Variants in PCDHA10 observed in about 807,000 individuals in gnomAD.
PCDHA10 encodes protocadherin alpha-10.
Under a neutral mutation model 61.2 loss-of-function variants are expected in PCDHA10, and 45 were observed. The ratio of observed to expected loss-of-function variants is 0.74; its 90% CI spans 0.58 to 0.94. PCDHA10 has a LOEUF of 0.94. Among genes scored for constraint, PCDHA10 ranks in the 40% least tolerant of loss-of-function variants. PCDHA10 has a pLI of 0.00. For missense variants in PCDHA10, 1,278 were observed against 1,236.2 expected (o/e 1.03, Z -0.51); for synonymous variants, 602 against 548.8 (o/e 1.10, Z -1.35).
chr5:140,950,711 T>C (rs1173209854), intron 1 of PCDHA10, among the ~76,000 whole-genome samples: 2 of 152,094 alleles, frequency 1.3e-5, no homozygotes, highest in African/African-American at 4.8e-5. Flanking sequence ...TTTTTGTTCC[T>C]TATATCCTTA....
intron 1 of PCDHA10, among the ~76,000 whole-genome samples, chr5:140,886,029 T>C (rs1464446627): frequency 1.3e-5 from 2 of 152,180 alleles, no homozygotes; most frequent in Non-Finnish European, 2.9e-5. Context: ...TATTCTTCAC[T>C]AAGTTTTCCC....
rs781852534 is a variant in PCDHA10, at chr5:140,982,552, G to T, written c.2525G>T (p.Ser842Ile). 1 of 1,614,168 alleles carries T rather than the reference G, an allele frequency of 6.2e-7. No individual in the cohort carries two copies. The highest frequency in any genetic ancestry group is 2.2e-5 in the East Asian group (1 of 44,892). ...GATCAGCAGTGGCCAACAGTATCCAGTGCAACACCAGGTAAAGAGCTGGGG... is the reference window on the plus strand; with the variant it reads ...GATCAGCAGTGGCCAACAGTATCCATTGCAACACCAGGTAAAGAGCTGGGG... The part of the protein sequence containing the change: ...GPDQQWPTVS[S>I]ATPEPEAGEV... Residue 842 changes from serine (S) to isoleucine (I), a missense_variant, in exon 3 of 4, where the codon AGT (serine) becomes ATT (isoleucine). Physicochemically the swap from Ser to Ile is moderately radical, Grantham distance 142. Coordinates refer to ENST00000307360, the MANE Select transcript of PCDHA10 (RefSeq NM_018901.4).
At chr5:140,967,956 A>G in intron 1 of PCDHA10, 2 of 1,614,172 alleles carry the variant, frequency 1.2e-6, no homozygotes, top group Middle Eastern at 3.3e-4. Context: ...TCAGGCCCCA[A>G]CCGGAAAGTG....
chr5:140,962,944 G>T (rs572517623), intron 1 of PCDHA10, among the ~76,000 whole-genome samples: 1 of 152,158 alleles, frequency 6.6e-6, no homozygotes, highest in East Asian at 1.9e-4. Flanking sequence ...CTCTCCATAA[G>T]ATATGCTCTA....
intron 1 of PCDHA10, among the ~76,000 whole-genome samples, chr5:140,910,845 G>C (rs1448971238): frequency 6.6e-6 from 1 of 152,090 alleles, no homozygotes; most frequent in Non-Finnish European, 1.5e-5. Context: ...CAATGCCTTG[G>C]ATCTATGTTC....
chr5:140,953,641 G>A (rs246029), intron 1 of PCDHA10, among the ~76,000 whole-genome samples: 85,647 of 151,972 alleles, frequency 0.56, 24,761 homozygotes, highest in African/African-American at 0.69. Context: ...TTTTGGCCAG[G>A]AGCTATAGTT....
intron 1 of PCDHA10, among the ~76,000 whole-genome samples, chr5:140,922,508 C>A (rs2080871857): frequency 6.6e-6 from 1 of 152,090 alleles, no homozygotes; most frequent in African/African-American, 2.4e-5. Flanking sequence ...GCAGATGCAC[C>A]ATTATTTCAA....
intron 1 of PCDHA10, chr5:140,877,600 C>G (rs1554169914): frequency 6.2e-7 from 1 of 1,613,878 alleles, no homozygotes; most frequent in Admixed American, 1.7e-5. Context: ...GGTGTCCAGC[C>G]TGCTGGTGCT....
At chr5:140,956,057 T>C (rs2095252530) in intron 1 of PCDHA10, among the ~76,000 whole-genome samples, 1 of 152,308 alleles carries the variant, frequency 6.6e-6, no homozygotes, top group South Asian at 2.1e-4. Flanking sequence ...GCTGAGACAA[T>C]GGGGTTTTCC....
At chr5:140,995,082 C>G (rs145784301) in intron 3 of PCDHA10, among the ~76,000 whole-genome samples, 5 of 152,334 alleles carry the variant, frequency 3.3e-5, no homozygotes, top group Admixed American at 3.3e-4. Context: ...GCAATCCAAA[C>G]TTATCTGTGG....
chr5:140,875,553 G>A (rs1447542979), intron 1 of PCDHA10: 4 of 1,614,000 alleles, frequency 2.5e-6, no homozygotes, highest in African/African-American at 2.7e-5. Flanking sequence ...GGGAGGTGGG[G>A]AGCGGCCAGC....
intron 1 of PCDHA10, among the ~76,000 whole-genome samples, chr5:140,894,384 T>A (rs1554186071): frequency 6.6e-6 from 1 of 152,046 alleles, no homozygotes; most frequent in Admixed American, 6.5e-5. Flanking sequence ...ATTATATTTG[T>A]ATTAGATATT....
rs1202247543 is a variant in PCDHA10, at chr5:140,858,682, T to A, written c.2388+246T>A. On this transcript the variant is annotated intron_variant, in intron 1 of 3. Coordinates refer to ENST00000307360, the MANE Select transcript of PCDHA10 (RefSeq NM_018901.4). Reference sequence around the variant, plus strand: ...AAATAACAATTTATTCTGAATACACTAATATTTTCCAATACAAATATGTGA... The same window carrying A: ...AAATAACAATTTATTCTGAATACACAAATATTTTCCAATACAAATATGTGA... 35 of 617,258 alleles carry A rather than the reference T, an allele frequency of 5.7e-5. 1 individual carries two copies. The East Asian group carries it at 9.7e-4, about 17-fold the overall frequency. 38.2% of individuals were successfully genotyped at this position (617,258 alleles called of 1,614,324 possible).
In PCDHA10 at chr5:140,875,509, C is replaced by A. The variant is rs1554167713; in HGVS notation, c.2388+17073C>A. On this transcript the variant is annotated intron_variant, in intron 1 of 3. Coordinates refer to ENST00000307360, the MANE Select transcript of PCDHA10 (RefSeq NM_018901.4). The stretch of plus-strand genomic sequence containing the variant: ...CGGACCAAGAGGCCCGGGATCCCAG[C>A]GTCTGCTGCTCTCGCTTCTGCTCCT... 3.7e-6 allele frequency: 6 copies of A among 1,613,576 alleles called. No individual in the cohort carries two copies. The Admixed American group carries it at 6.7e-5, about 18-fold the overall frequency.
At chr5:140,875,399 C>T (rs62622796) in intron 1 of PCDHA10, 40,992 of 1,482,866 alleles carry the variant, frequency 0.028, 731 homozygotes, top group Non-Finnish European at 0.032. Flanking sequence ...AAAAGGGTGA[C>T]TGCTCATAAA....
At chr5:140,991,109 C>A (rs987847767) in intron 3 of PCDHA10, among the ~76,000 whole-genome samples, 1 of 152,156 alleles carries the variant, frequency 6.6e-6, no homozygotes, top group Non-Finnish European at 1.5e-5. Flanking sequence ...AATTAAGTGG[C>A]TTTCTTACAT....
chr5:141,002,023 G>GC (rs1479327416), intron 3 of PCDHA10, among the ~76,000 whole-genome samples: 4 of 152,186 alleles, frequency 2.6e-5, no homozygotes, highest in Admixed American at 6.5e-5. Flanking sequence ...ACAGCCTTCG[G>GC]TGCCCTGACT....
intron 1 of PCDHA10, chr5:140,883,158 C>A: frequency 2.5e-6 from 4 of 1,613,710 alleles, no homozygotes; most frequent in Non-Finnish European, 3.4e-6. Flanking sequence ...ACCATAAATC[C>A]GAACAATGGA....
Position 140,927,154 on chromosome 5 carries a change from A to C in PCDHA10, c.2389-51795A>C, listed in dbSNP as rs141284501. 8 of 1,614,050 alleles carry C rather than the reference A, an allele frequency of 5.0e-6. No individual in the cohort carries two copies. The African/African-American group carries it at 8.0e-5, about 16-fold the overall frequency. On this transcript the variant is annotated intron_variant, in intron 1 of 3. Transcript: ENST00000307360. ...GCCGGCGGACCGCGAACAGCTGTGC[A>C]GGGCCAAAGCTGCCTGCGTCTTGAC...
Sources: allele counts gnomAD v4.1 joint callset (sites outside exome capture counted in the v4.1 genomes callset), GRCh38; gene constraint gnomAD v4.1.1; transcripts MANE v1.5; gene names NCBI Gene and HGNC (gene_info 2026-07-23, HGNC 2026-07-21).